The following CTDSPL2 variants were observed in gnomAD, a reference collection of about 807,000 sequenced individuals.
CTDSPL2 encodes CTD small phosphatase like 2.
CTDSPL2 carries 5 observed loss-of-function variants against 60.0 expected under a neutral mutation model. That is an observed-to-expected ratio of 0.08 (90% CI 0.04 to 0.18). The LOEUF (loss-of-function observed/expected upper bound fraction) is 0.18, where lower values mean the gene tolerates loss of function less well. Among genes scored for constraint, CTDSPL2 ranks in the 10% least tolerant of loss-of-function variants. CTDSPL2 has a pLI of 1.00. For synonymous variants in CTDSPL2, 186 were observed against 189.3 expected (o/e 0.98, Z 0.14); for missense variants, 370 against 548.8 (o/e 0.67, Z 3.26).
At chr15:44,453,615 C>T (rs1472624239) in intron 1 of CTDSPL2, among the ~76,000 whole-genome samples, 2 of 148,178 alleles carry the variant, frequency 1.3e-5, no homozygotes, top group Admixed American at 1.4e-4. Context: ...GTGATATTCC[C>T]CTTCCTGTGT....
chr15:44,518,280 A>G (rs145666816), intron 10 of CTDSPL2, among the ~76,000 whole-genome samples: 155 of 152,336 alleles, frequency 1.0e-3, no homozygotes, highest in African/African-American at 3.3e-3. Context: ...AGGTAGAAAA[A>G]AATTATATGA....
chr15:44,444,040 G>C (rs879415357), intron 1 of CTDSPL2, among the ~76,000 whole-genome samples: 2 of 151,792 alleles, frequency 1.3e-5, no homozygotes, highest in African/African-American at 4.8e-5. Flanking sequence ...GTAGTAGCTA[G>C]TACTGTAGGT....
intron 8 of CTDSPL2, among the ~76,000 whole-genome samples, chr15:44,503,001 T>G (rs1233056608): frequency 6.6e-6 from 1 of 152,150 alleles, no homozygotes; most frequent in Admixed American, 6.6e-5. Context: ...GTAATTTGAA[T>G]TTCATTTCTC....
chr15:44,432,377 T>TG (rs1458987612), intron 1 of CTDSPL2, among the ~76,000 whole-genome samples: 7 of 151,966 alleles, frequency 4.6e-5, no homozygotes, highest in Non-Finnish European at 1.5e-5. Flanking sequence ...TGGAGTGCAG[T>TG]GGGGCAATCT....
chr15:44,506,888 T>G (rs1003431395), intron 8 of CTDSPL2, among the ~76,000 whole-genome samples: 2 of 151,708 alleles, frequency 1.3e-5, no homozygotes, highest in South Asian at 2.1e-4. Context: ...TGCCTCAGCC[T>G]CCCGAGTAGC....
chr15:44,506,412 C>CTTTTTTTTTTTTTTTTTTTTTTTTTT (rs764238056), intron 8 of CTDSPL2, among the ~76,000 whole-genome samples: 4 of 112,392 alleles, frequency 3.6e-5, no homozygotes, highest in African/African-American at 1.1e-4. Flanking sequence ...CCTACTTTGA[C>CTTTTTTTTTTTTTTTTTTTTTTTTTT]TTTTTTTTTT....
At chr15:44,428,155 A>G (rs1023681962) in intron 1 of CTDSPL2, 1 of 153,346 alleles carries the variant, frequency 6.5e-6, no homozygotes, top group African/African-American at 2.4e-5. Context: ...TGTTTTCAGC[A>G]TTTCATTCTT....
intron 1 of CTDSPL2, among the ~76,000 whole-genome samples, chr15:44,430,186 G>A (rs1314443268): frequency 2.0e-5 from 3 of 152,188 alleles, no homozygotes; most frequent in Non-Finnish European, 4.4e-5. Flanking sequence ...AAAGAAACTT[G>A]GACCTGTTGT....
At chr15:44,471,458 A>T (rs938981949) in intron 2 of CTDSPL2, among the ~76,000 whole-genome samples, 1 of 152,160 alleles carries the variant, frequency 6.6e-6, no homozygotes, top group Non-Finnish European at 1.5e-5. Flanking sequence ...TACTTAATGT[A>T]TACAGCTCTA....
In CTDSPL2 at chr15:44,499,498, A is replaced by G. The variant is rs140694474; in HGVS notation, c.883-229A>G. Among the ~76,000 whole-genome samples, 293 of 152,320 alleles carry G rather than the reference A, an allele frequency of 1.9e-3. 1 individual carries two copies. Among genetic ancestry groups the G allele is most frequent in the African/African-American group, 6.7e-3 (277 of 41,590 alleles). On this transcript the variant is annotated intron_variant, in intron 7 of 12. Coordinates refer to ENST00000260327, the MANE Select transcript of CTDSPL2 (RefSeq NM_016396.3). ...GAGGTTAACATTTGCATTTCTAACT[A>G]GTTCTCAAATGATGTTTATTCTGCT...
At chr15:44,434,415 A>G (rs967045385) in intron 1 of CTDSPL2, among the ~76,000 whole-genome samples, 4 of 152,066 alleles carry the variant, frequency 2.6e-5, no homozygotes, top group African/African-American at 4.8e-5. Flanking sequence ...AAAAAAGAAG[A>G]CAGAGTCTTA....
At chr15:44,454,112 G>T (rs566389476) in intron 1 of CTDSPL2, among the ~76,000 whole-genome samples, 2 of 152,092 alleles carry the variant, frequency 1.3e-5, no homozygotes, top group African/African-American at 4.8e-5. Flanking sequence ...TTTAATGATC[G>T]CCATTCTAAC....
At chr15:44,456,091 C>T (rs1008690829) in intron 1 of CTDSPL2, among the ~76,000 whole-genome samples, 1 of 151,766 alleles carries the variant, frequency 6.6e-6, no homozygotes, top group Non-Finnish European at 1.5e-5. Flanking sequence ...ACCTCGTGAT[C>T]CACCCGCCTC....
At chr15:44,432,619 CTAT>C (rs1322181695) in intron 1 of CTDSPL2, among the ~76,000 whole-genome samples, 8 of 149,232 alleles carry the variant, frequency 5.4e-5, no homozygotes, top group African/African-American at 1.7e-4. Context: ...TGTGCCCGGC[CTAT>C]TATTATTATT....
At chr15:44,479,407 C>CTTTTT (rs11414036) in intron 2 of CTDSPL2, among the ~76,000 whole-genome samples, 41 of 97,892 alleles carry the variant, frequency 4.2e-4, no homozygotes, top group African/African-American at 6.4e-4. Context: ...ATTTTCTTTC[C>CTTTTT]TTTTTTTTTT....
intron 5 of CTDSPL2, among the ~76,000 whole-genome samples, chr15:44,494,911 G>A (rs1483648601): frequency 1.3e-5 from 2 of 152,038 alleles, no homozygotes; most frequent in South Asian, 2.1e-4. Flanking sequence ...TTGAGACTCC[G>A]CCTCAACACA....
chr15:44,493,310 A>G (rs1439085273), intron 5 of CTDSPL2, among the ~76,000 whole-genome samples: 2 of 152,196 alleles, frequency 1.3e-5, no homozygotes, highest in African/African-American at 4.8e-5. Context: ...TCTTTTCCTT[A>G]ACTTTGAGAA....
At chr15:44,474,524 G>A (rs1224736332) in intron 2 of CTDSPL2, among the ~76,000 whole-genome samples, 1 of 151,950 alleles carries the variant, frequency 6.6e-6, no homozygotes, top group Non-Finnish European at 1.5e-5. Flanking sequence ...ACTTTCTTGA[G>A]AGGAACTGGC....
intron 8 of CTDSPL2, chr15:44,503,564 A>G (rs1394162219): frequency 1.3e-5 from 2 of 152,254 alleles, no homozygotes; most frequent in Non-Finnish European, 1.5e-5. Context: ...CACCTCCTCA[A>G]TGACCTTCCT....
Sources: allele counts gnomAD v4.1 joint callset (sites outside exome capture counted in the v4.1 genomes callset), GRCh38; gene constraint gnomAD v4.1.1; transcripts MANE v1.5; gene names NCBI Gene and HGNC (gene_info 2026-07-23, HGNC 2026-07-21).